Variants in ZNF804B observed in about 807,000 individuals in gnomAD.
The protein encoded by ZNF804B is zinc finger protein 804B.
ZNF804B carries 80 observed loss-of-function variants against 101.4 expected under a neutral mutation model. The observed-to-expected ratio is 0.79, with a 90% CI of 0.66 to 0.95. The LOEUF is 0.95. Among genes scored for constraint, ZNF804B ranks in the 40% least tolerant of loss-of-function variants. The pLI, the probability that ZNF804B is intolerant of heterozygous loss-of-function variation, is 0.00. For synonymous variants in ZNF804B, 622 were observed against 558.8 expected, an observed-to-expected ratio of 1.11 and a Z score of -1.59; for missense variants, 1,673 against 1,561.9, an observed-to-expected ratio of 1.07 and a Z score of -1.20.
In ZNF804B at chr7:89,164,387, C is replaced by A. The variant is rs118091001; in HGVS notation, c.109-53768C>A. On this transcript the variant is annotated intron_variant, in intron 1 of 3. Coordinates refer to ENST00000333190, the MANE Select transcript of ZNF804B (RefSeq NM_181646.5). Reference sequence around the variant, plus strand: ...TTTTGAAAGAAACTATCGTGGAAAACTGGGGGGAAAGTCAGTAAATAAACT... The same window carrying A: ...TTTTGAAAGAAACTATCGTGGAAAAATGGGGGGAAAGTCAGTAAATAAACT... Among the ~76,000 whole-genome samples, 548 of 152,032 alleles carry A rather than the reference C, an allele frequency of 3.6e-3. 1 individual carries two copies. The highest frequency in any genetic ancestry group is 6.0e-3 in the Non-Finnish European group (405 of 67,924).
intron 1 of ZNF804B, among the ~76,000 whole-genome samples, chr7:89,080,116 A>G (rs1288631708): frequency 6.6e-6 from 1 of 151,950 alleles, no homozygotes; most frequent in African/African-American, 2.4e-5. Flanking sequence ...AGGCATTGCA[A>G]TAATCAAGGA....
At chr7:88,819,050 TA>T (rs1790931053) in intron 1 of ZNF804B, among the ~76,000 whole-genome samples, 1 of 152,204 alleles carries the variant, frequency 6.6e-6, no homozygotes, top group Admixed American at 6.5e-5. Context: ...CAGGAGATAG[TA>T]GCGTGATTGA....
At chr7:89,226,564 A>G (rs1272274380) in intron 2 of ZNF804B, among the ~76,000 whole-genome samples, 1 of 152,034 alleles carries the variant, frequency 6.6e-6, no homozygotes, top group Non-Finnish European at 1.5e-5. Context: ...ATCTTTTCAG[A>G]TAAGTCTCTA....
intron 2 of ZNF804B, among the ~76,000 whole-genome samples, chr7:89,251,508 A>T (rs996913579): frequency 9.2e-5 from 14 of 152,188 alleles, no homozygotes; most frequent in Admixed American, 5.9e-4. Flanking sequence ...ATATCATTAA[A>T]AATCCATACT....
intron 2 of ZNF804B, among the ~76,000 whole-genome samples, chr7:89,298,050 C>A (rs1326570207): frequency 7.1e-6 from 1 of 140,746 alleles, no homozygotes; most frequent in Non-Finnish European, 1.5e-5. Context: ...TCTGCAGTTT[C>A]TTTTTCTTCA....
chr7:89,333,355 A>G lies in ZNF804B; in HGVS notation c.381-8A>G. 1 of 1,571,400 alleles carries G rather than the reference A, an allele frequency of 6.4e-7. No individual in the cohort carries two copies. Among genetic ancestry groups the G allele is most frequent in the South Asian group, 1.2e-5 (1 of 84,390 alleles). The stretch of plus-strand genomic sequence containing the variant: ...TCTTAATCATTTAAATATTTATTGT[A>G]TTTACAGTGTTTCTGGAAATGGACC... On this transcript the variant is annotated splice_polypyrimidine_tract_variant and splice_region_variant and intron_variant, in intron 3 of 3. Transcript: ENST00000333190.
chr7:88,796,972 T>C (rs117373596), intron 1 of ZNF804B, among the ~76,000 whole-genome samples: 18 of 152,206 alleles, frequency 1.2e-4, no homozygotes, highest in Admixed American at 3.3e-4. Context: ...CACAGAAAAT[T>C]CTCAAATTAT....
At chr7:89,264,906 T>C (rs566702315) in intron 2 of ZNF804B, among the ~76,000 whole-genome samples, 1 of 152,344 alleles carries the variant, frequency 6.6e-6, no homozygotes, top group East Asian at 1.9e-4. Context: ...CCTTTTTTAG[T>C]CAACAGATTC....
chr7:88,888,645 T>A (rs1385518351), intron 1 of ZNF804B, among the ~76,000 whole-genome samples: 1 of 152,176 alleles, frequency 6.6e-6, no homozygotes, highest in Non-Finnish European at 1.5e-5. Flanking sequence ...TTTTTATTAC[T>A]ATAACTGTTT....
chr7:89,016,918 T>C (rs1417860276), intron 1 of ZNF804B, among the ~76,000 whole-genome samples: 2 of 152,204 alleles, frequency 1.3e-5, no homozygotes, highest in Non-Finnish European at 2.9e-5. Flanking sequence ...ATCTATAAAT[T>C]ACCTTGGCAT....
intron 1 of ZNF804B, among the ~76,000 whole-genome samples, chr7:88,983,711 GTTTTAC>G (rs1310057983): frequency 2.6e-5 from 4 of 151,888 alleles, no homozygotes; most frequent in African/African-American, 9.7e-5. Flanking sequence ...ATTAAAATTA[GTTTTAC>G]TTTTTAATTT....
At chr7:89,096,291 A>T (rs1433343128) in intron 1 of ZNF804B, among the ~76,000 whole-genome samples, 1 of 152,158 alleles carries the variant, frequency 6.6e-6, no homozygotes, top group East Asian at 1.9e-4. Flanking sequence ...GTAGGATCAG[A>T]ATGTAAGTGT....
At chr7:89,008,958 A>G (rs142857583) in intron 1 of ZNF804B, among the ~76,000 whole-genome samples, 1 of 152,242 alleles carries the variant, frequency 6.6e-6, no homozygotes, top group Admixed American at 6.5e-5. Flanking sequence ...TACCTAGATT[A>G]GCTACCCTTC....
intron 1 of ZNF804B, among the ~76,000 whole-genome samples, chr7:89,188,573 C>G (rs1217290634): frequency 1.3e-5 from 2 of 152,114 alleles, no homozygotes; most frequent in African/African-American, 4.8e-5. Context: ...AGCGTGGCCA[C>G]TTGAATCAAA....
At chr7:89,313,942 T>TA (rs975684951) in intron 2 of ZNF804B, among the ~76,000 whole-genome samples, 6 of 152,132 alleles carry the variant, frequency 3.9e-5, no homozygotes, top group African/African-American at 7.2e-5. Flanking sequence ...TAAGTCCCTT[T>TA]AAAAAAATCT....
At chr7:88,794,342 G>GT (rs1251698180) in intron 1 of ZNF804B, 1 of 1,613,790 alleles carries the variant, frequency 6.2e-7, no homozygotes, top group Non-Finnish European at 8.5e-7. Flanking sequence ...GCAACTTGGT[G>GT]TAAGTTATCG....
chr7:88,878,941 C>G (rs927877307), intron 1 of ZNF804B, among the ~76,000 whole-genome samples: 18 of 152,050 alleles, frequency 1.2e-4, no homozygotes, highest in Admixed American at 1.2e-3. Flanking sequence ...CTTATGCTTC[C>G]GCTCCTCTAG....
intron 1 of ZNF804B, among the ~76,000 whole-genome samples, chr7:88,765,371 G>T (rs1056692854): frequency 1.3e-5 from 2 of 152,058 alleles, no homozygotes; most frequent in Non-Finnish European, 2.9e-5. Context: ...TGACTTAAAA[G>T]AAAACATAAT....
At position 88,915,524 on chromosome 7, in the gene ZNF804B, GA is replaced by G. The variant is rs555766992; in HGVS notation, c.108+155447del. Among the ~76,000 whole-genome samples, 451 of 151,688 alleles carry G rather than the reference GA, an allele frequency of 3.0e-3. 2 individuals are homozygous for G. The highest frequency in any genetic ancestry group is 9.4e-3 in the African/African-American group (388 of 41,434). Reference sequence around the variant, plus strand: ...TTTTATAAATAGATGAAAATTAATGGAAAAAAATATATTAGGTATGTATTAA... The same window carrying G: ...TTTTATAAATAGATGAAAATTAATGGAAAAAATATATTAGGTATGTATTAA... On this transcript the variant is annotated intron_variant, in intron 1 of 3. Coordinates refer to ENST00000333190, the MANE Select transcript of ZNF804B (RefSeq NM_181646.5).
Sources: allele counts gnomAD v4.1 joint callset (sites outside exome capture counted in the v4.1 genomes callset), GRCh38; gene constraint gnomAD v4.1.1; transcripts MANE v1.5; gene names NCBI Gene and HGNC (gene_info 2026-07-23, HGNC 2026-07-21).